The following ZNF407 variants were observed in gnomAD, a reference collection of about 807,000 sequenced individuals.
ZNF407 encodes the protein zinc finger protein 407.
ZNF407 carries 17 observed loss-of-function variants against 131.2 expected under a neutral mutation model. The ratio of observed to expected loss-of-function variants is 0.13; its 90% CI spans 0.09 to 0.19. The LOEUF is 0.19. Among genes scored for constraint, ZNF407 ranks in the 10% least tolerant of loss-of-function variants. The pLI is 1.00. For synonymous variants in ZNF407, 1,156 were observed against 1,062.0 expected, an observed-to-expected ratio of 1.09 and a Z score of -1.72; for missense variants, 2,681 against 2,830.6, an observed-to-expected ratio of 0.95 and a Z score of 1.20.
intron 3 of ZNF407, among the ~76,000 whole-genome samples, chr18:74,757,975 CATGGTGT>C (rs1423485809): frequency 2.6e-5 from 4 of 152,258 alleles, no homozygotes; most frequent in Non-Finnish European, 5.9e-5. Context: ...TTACTGATTG[CATGGTGT>C]ATCTTTCATC....
In ZNF407 at chr18:74,668,919, A is replaced by C. The variant is rs1986032116; in HGVS notation, c.4802+27797A>C. ...TGTTTAGGATATATCATTAAAAAAAACCTAAGTCTCTGTTCTCATGCGTGT... is the reference window on the plus strand; with the variant it reads ...TGTTTAGGATATATCATTAAAAAAACCCTAAGTCTCTGTTCTCATGCGTGT... On this transcript the variant is annotated intron_variant, in intron 3 of 8. Coordinates refer to ENST00000299687, the MANE Select transcript of ZNF407 (RefSeq NM_017757.3). 1.3e-5 allele frequency among the ~76,000 whole-genome samples: 2 copies of C among 151,986 alleles called. 1 individual carries two copies. The highest frequency in any genetic ancestry group is 4.2e-4 in the South Asian group (2 of 4,812).
intron 1 of ZNF407, among the ~76,000 whole-genome samples, chr18:74,600,963 C>T (rs1004101591): frequency 6.6e-6 from 1 of 152,228 alleles, no homozygotes; most frequent in South Asian, 2.1e-4. Context: ...CTTTTAGAGG[C>T]TGTTGCATTT....
intron 8 of ZNF407, among the ~76,000 whole-genome samples, chr18:75,001,400 G>A (rs1456553938): frequency 1.3e-5 from 2 of 152,182 alleles, no homozygotes; most frequent in African/African-American, 2.4e-5. Context: ...CTATTAGGGG[G>A]AGAAGACCTT....
intron 4 of ZNF407, among the ~76,000 whole-genome samples, chr18:74,872,070 G>C (rs923342424): frequency 1.3e-5 from 2 of 151,806 alleles, no homozygotes; most frequent in Admixed American, 6.6e-5. Flanking sequence ...GGGTTTCACT[G>C]TATTGGTCAG....
chr18:74,601,042 T>C (rs569131339), intron 1 of ZNF407, among the ~76,000 whole-genome samples: 1 of 152,248 alleles, frequency 6.6e-6, no homozygotes, highest in East Asian at 1.9e-4. Context: ...GTGAGTGGAT[T>C]GTACATGCTC....
chr18:74,620,799 G>C (rs947142990), intron 1 of ZNF407, among the ~76,000 whole-genome samples: 28 of 152,166 alleles, frequency 1.8e-4, no homozygotes, highest in Admixed American at 5.9e-4. Flanking sequence ...AAGGTGCTAG[G>C]CTTCTGTAGC....
intron 8 of ZNF407, among the ~76,000 whole-genome samples, chr18:74,930,924 CTG>C (rs1971975917): frequency 6.6e-6 from 1 of 152,178 alleles, no homozygotes; most frequent in African/African-American, 2.4e-5. Context: ...GATATATACA[CTG>C]TGTGGACTCA....
intron 8 of ZNF407, among the ~76,000 whole-genome samples, chr18:75,059,996 C>T (rs373767010): frequency 1.3e-5 from 2 of 152,168 alleles, no homozygotes; most frequent in Admixed American, 6.5e-5. Context: ...TCCCCAGACA[C>T]GTGCCCAGGC....
At position 74,633,226 on chromosome 18, in the gene ZNF407, G is replaced by A; in HGVS notation, c.2207G>A (p.Cys736Tyr). 1 of 1,613,820 alleles carries A rather than the reference G, an allele frequency of 6.2e-7. No individual in the cohort carries two copies. The highest frequency in any genetic ancestry group is 1.1e-5 in the South Asian group (1 of 91,056). The change falls in exon 2 of 9, where the codon TGT (cysteine) becomes TAT (tyrosine). Residue 736 changes from cysteine to tyrosine, a missense_variant. Physicochemically the swap from Cys to Tyr is radical, Grantham distance 194. Coordinates refer to ENST00000299687, the MANE Select transcript of ZNF407 (RefSeq NM_017757.3). ...LRHGQDYHFL[C>Y]KACNLYSLSK... is the part of the protein sequence containing the mutation. Reference sequence around the variant, plus strand: ...CATGGTCAAGACTATCATTTTCTTTGTAAAGCTTGTAATCTTTATTCATTG... The same window carrying A: ...CATGGTCAAGACTATCATTTTCTTTATAAAGCTTGTAATCTTTATTCATTG...
At chr18:74,744,946 C>T (rs1483405577) in intron 3 of ZNF407, among the ~76,000 whole-genome samples, 2 of 151,976 alleles carry the variant, frequency 1.3e-5, no homozygotes, top group Admixed American at 1.3e-4. Context: ...CCATATATAG[C>T]TTTACCATGT....
At chr18:74,920,864 G>A in intron 8 of ZNF407, 172 bp downstream of exon 8, 1 of 1,270,012 alleles carries the variant, frequency 7.9e-7, no homozygotes, top group Non-Finnish European at 1.0e-6. Flanking sequence ...ACTCAACTAT[G>A]AAAACAGGAC....
At chr18:74,858,896 T>A (rs1296014291) in intron 4 of ZNF407, among the ~76,000 whole-genome samples, 1 of 151,940 alleles carries the variant, frequency 6.6e-6, no homozygotes, top group African/African-American at 2.4e-5. Flanking sequence ...TTCTGCATTT[T>A]TCCCTTTTTG....
intron 5 of ZNF407, among the ~76,000 whole-genome samples, chr18:74,879,746 A>G (rs969548573): frequency 2.6e-5 from 4 of 152,200 alleles, no homozygotes; most frequent in Admixed American, 6.5e-5. Context: ...GAACATTTTA[A>G]CTTACCCTTA....
intron 4 of ZNF407, among the ~76,000 whole-genome samples, chr18:74,820,462 G>T (rs1970325208): frequency 1.3e-5 from 2 of 152,250 alleles, no homozygotes; most frequent in East Asian, 1.9e-4. Flanking sequence ...TGGCTCTCAG[G>T]GCCTGCAAAC....
At chr18:74,826,533 T>C (rs1970412303) in intron 4 of ZNF407, among the ~76,000 whole-genome samples, 1 of 152,322 alleles carries the variant, frequency 6.6e-6, no homozygotes, top group Non-Finnish European at 1.5e-5. Context: ...GAAATACCCA[T>C]GTCATATCTA....
At chr18:74,857,898 C>T (rs1183434477) in intron 4 of ZNF407, among the ~76,000 whole-genome samples, 2 of 138,244 alleles carry the variant, frequency 1.4e-5, no homozygotes, top group Non-Finnish European at 3.1e-5. Context: ...CCTCCCCTCC[C>T]CTCCCCTTTC....
intron 8 of ZNF407, among the ~76,000 whole-genome samples, chr18:74,999,260 A>G (rs1265501955): frequency 1.0e-5 from 1 of 100,384 alleles, no homozygotes. Context: ...ATGACACATT[A>G]GTGGGTGCAG....
rs971101835 is a variant in ZNF407 at position 74,703,585 on chromosome 18, C to T, written c.4802+62463C>T. Reference sequence around the variant, plus strand: ...TTCTCCAGGTTTATCAGGCTGGTCTCGAACTCCTGACCTCAGGTGATCTGC... The same window carrying T: ...TTCTCCAGGTTTATCAGGCTGGTCTTGAACTCCTGACCTCAGGTGATCTGC... On this transcript the variant is annotated intron_variant, in intron 3 of 8. Transcript: ENST00000299687. The surrounding 1 kb of genome is among the most constrained non-coding windows in gnomAD (Gnocchi z 4.1). Among the ~76,000 whole-genome samples the T allele has an allele frequency of 2.0e-5, 3 of 152,082 alleles. No homozygotes were observed. The highest frequency in any genetic ancestry group is 6.6e-5 in the Admixed American group (1 of 15,264).
chr18:74,963,915 G>T (rs923955107), intron 8 of ZNF407, among the ~76,000 whole-genome samples: 1 of 152,188 alleles, frequency 6.6e-6, no homozygotes, highest in Non-Finnish European at 1.5e-5. Flanking sequence ...AGTTGAGTTT[G>T]AATTGCTCTT....
Sources: gnomAD v4.1 joint callset for allele counts (sites outside exome capture counted in the v4.1 genomes callset) on GRCh38, gnomAD v4.1.1 for gene constraint, Gnocchi (gnomAD v3.1) non-coding constraint, MANE v1.5 for transcripts, NCBI Gene and HGNC (gene_info 2026-07-23, HGNC 2026-07-21) for gene names.